Variants in PKHD1 observed in about 807,000 individuals in gnomAD.
PKHD1 encodes the protein fibrocystin.
In PKHD1, 291 loss-of-function variants were observed where a neutral mutation model predicts 412.0. The ratio of observed to expected loss-of-function variants is 0.71; its 90% CI spans 0.64 to 0.78. The LOEUF is 0.78. Among genes scored for constraint, PKHD1 ranks in the 30% least tolerant of loss-of-function variants. The probability of loss-of-function intolerance (pLI) is 0.00; values close to 1 mark genes in which losing one functional copy is unlikely to be tolerated. For synonymous variants in PKHD1, 1,777 were observed against 1,821.5 expected, an observed-to-expected ratio of 0.98 and a Z score of 0.62; for missense variants, 4,825 against 4,950.7, an observed-to-expected ratio of 0.97 and a Z score of 0.76.
chr6:51,671,101 C>T (rs1473371446), intron 60 of PKHD1, among the ~76,000 whole-genome samples: 1 of 152,110 alleles, frequency 6.6e-6, no homozygotes, highest in African/African-American at 2.4e-5. Context: ...GCCTGCCTTG[C>T]TAGATTGGGG....
At chr6:51,974,744 T>C (rs112097643) in intron 35 of PKHD1, among the ~76,000 whole-genome samples, 13,519 of 152,160 alleles carry the variant, frequency 0.089, 675 homozygotes, top group African/African-American at 0.14. Context: ...ACTATACACA[T>C]TGGGTACAGT....
At chr6:51,982,990 A>G in intron 35 of PKHD1, among the ~76,000 whole-genome samples, 1 of 151,834 alleles carries the variant, frequency 6.6e-6, no homozygotes, top group Admixed American at 6.6e-5. Flanking sequence ...AATCTCAGAC[A>G]TTGCTTAAGC....
chr6:51,721,769 A>G, intron 60 of PKHD1: 1 of 1,399,882 alleles, frequency 7.1e-7, no homozygotes, highest in Non-Finnish European at 9.3e-7. Flanking sequence ...AGCAAACTCT[A>G]TTTCCTCTCT....
chr6:51,621,688 A>C (rs1037457095), intron 66 of PKHD1: 1 of 152,220 alleles, frequency 6.6e-6, no homozygotes, highest in African/African-American at 2.4e-5. Flanking sequence ...AGCCGAAATG[A>C]AAGTTCACTG....
intron 60 of PKHD1, among the ~76,000 whole-genome samples, chr6:51,711,346 C>T (rs1362861825): frequency 6.6e-6 from 1 of 152,284 alleles, no homozygotes; most frequent in Non-Finnish European, 1.5e-5. Context: ...ATAACCTATA[C>T]GCAAGTCTTT....
chr6:52,015,823 CA>C (rs1254802647), intron 34 of PKHD1, among the ~76,000 whole-genome samples: 7 of 138,918 alleles, frequency 5.0e-5, no homozygotes, highest in East Asian at 2.1e-4. Flanking sequence ...GACTCAGTCT[CA>C]AAAAAAAAAG....
intron 46 of PKHD1, among the ~76,000 whole-genome samples, chr6:51,874,803 C>G (rs149632915): frequency 0.01 from 1,184 of 116,456 alleles, 312 homozygotes; most frequent in African/African-American, 0.037. Context: ...CAGCTCCCAG[C>G]GTGAGCGACG....
intron 52 of PKHD1, among the ~76,000 whole-genome samples, chr6:51,798,397 G>T (rs573037310): frequency 6.6e-6 from 1 of 151,958 alleles, no homozygotes; most frequent in Non-Finnish European, 1.5e-5. Context: ...AAGAAAGAAA[G>T]AAAAAGAAAT....
At chr6:51,754,652 T>G in intron 56 of PKHD1, 132 bp downstream of exon 56, 3 of 756,316 alleles carry the variant, frequency 4.0e-6, no homozygotes, top group Non-Finnish European at 7.1e-6. Flanking sequence ...CCACGTAGCA[T>G]GAGTCTAGGT....
chr6:51,855,100 A>C (rs558308451), intron 49 of PKHD1, among the ~76,000 whole-genome samples: 2 of 152,224 alleles, frequency 1.3e-5, no homozygotes, highest in East Asian at 3.9e-4. Context: ...TCCGTGGAAA[A>C]AGCAGTTTCC....
At chr6:52,019,656 G>A (rs1801119491) in intron 33 of PKHD1, among the ~76,000 whole-genome samples, 1 of 152,174 alleles carries the variant, frequency 6.6e-6, no homozygotes, top group African/African-American at 2.4e-5. Flanking sequence ...ATAGCTGCGT[G>A]ACCTTAATCA....
At chr6:51,749,929 A>G (rs1322563761) in intron 57 of PKHD1, among the ~76,000 whole-genome samples, 1 of 152,234 alleles carries the variant, frequency 6.6e-6, no homozygotes, top group Non-Finnish European at 1.5e-5. Context: ...TGACTAAAGT[A>G]AACTATAAAG....
intron 65 of PKHD1, among the ~76,000 whole-genome samples, chr6:51,631,250 G>A (rs954221247): frequency 6.6e-6 from 1 of 152,134 alleles, no homozygotes; most frequent in Non-Finnish European, 1.5e-5. Flanking sequence ...ACTGAATGTA[G>A]ATAGAACTTT....
chr6:52,027,881 G>T lies in PKHD1; in HGVS notation c.3576C>A (p.Ile1192=). ...SIHSQGVDLH[I]QYLTEVFSIE... ...TGCTGAAAACTTCTGTGAGGTACTG[G>T]ATGTGGAGATCAACCCTACAGAAGA... The change falls in exon 31 of 67, where the codon ATC becomes ATA. Residue 1192 remains isoleucine (I), a synonymous_variant. Transcript: ENST00000371117. 1.2e-6 allele frequency: 2 copies of T among 1,612,818 alleles called. No homozygotes were observed. The highest frequency in any genetic ancestry group is 1.7e-6 in the Non-Finnish European group (2 of 1,178,804).
chr6:51,716,781 CTGAGA>C (rs1781314990), intron 60 of PKHD1, among the ~76,000 whole-genome samples: 1 of 152,034 alleles, frequency 6.6e-6, no homozygotes, highest in Non-Finnish European at 1.5e-5. Context: ...TCTTTGTCAC[CTGAGA>C]TGACTAAACT....
chr6:51,706,462 A>G (rs929468341), intron 60 of PKHD1, among the ~76,000 whole-genome samples: 3 of 136,156 alleles, frequency 2.2e-5, no homozygotes, highest in African/African-American at 8.2e-5. Flanking sequence ...TATATATATC[A>G]TCTCTAATTC....
intron 60 of PKHD1, among the ~76,000 whole-genome samples, chr6:51,726,215 A>G (rs562860308): frequency 6.6e-6 from 1 of 152,216 alleles, no homozygotes; most frequent in African/African-American, 2.4e-5. Flanking sequence ...CTGGACATAC[A>G]GGAGTTTCTA....
chr6:52,034,832 A>G (rs538227009), intron 28 of PKHD1, among the ~76,000 whole-genome samples: 25 of 152,366 alleles, frequency 1.6e-4, no homozygotes, highest in South Asian at 1.0e-3. Flanking sequence ...CTAGCTTTTC[A>G]TAATATTTAA....
At chr6:51,979,533 G>C (rs1794877982) in intron 35 of PKHD1, among the ~76,000 whole-genome samples, 1 of 151,100 alleles carries the variant, frequency 6.6e-6, no homozygotes, top group Non-Finnish European at 1.5e-5. Context: ...TTCTCTCTCT[G>C]TCTTTCTCCC....
Sources: allele counts gnomAD v4.1 joint callset (sites outside exome capture counted in the v4.1 genomes callset), GRCh38; gene constraint gnomAD v4.1.1; transcripts MANE v1.5; gene names NCBI Gene and HGNC (gene_info 2026-07-23, HGNC 2026-07-21).